ZNF678: variants seen among roughly 807,000 people sequenced by gnomAD.
ZNF678 encodes hypothetical protein MGC42493.
Under a neutral mutation model 3.0 loss-of-function variants are expected in ZNF678, and 5 were observed. The observed-to-expected ratio is 1.69, with a 90% CI of 0.88 to 3.56. The LOEUF (loss-of-function observed/expected upper bound fraction) is 3.56. Among genes scored for constraint, ZNF678 ranks in the 30% most tolerant of loss-of-function variants. The pLI is 0.00. For synonymous variants in ZNF678, 218 were observed against 199.6 expected, an observed-to-expected ratio of 1.09 and a Z score of -0.78; for missense variants, 593 against 605.0, an observed-to-expected ratio of 0.98 and a Z score of 0.21.
At chr1:227,671,795 A>G (rs752939729) in intron 5 of ZNF678, among the ~76,000 whole-genome samples, 1 of 152,168 alleles carries the variant, frequency 6.6e-6, no homozygotes, top group African/African-American at 2.4e-5. Context: ...GGCTCTCCCT[A>G]TGCCTCCATA....
chr1:227,611,594 G>A (rs1471926097), intron 1 of ZNF678, among the ~76,000 whole-genome samples: 1 of 152,144 alleles, frequency 6.6e-6, no homozygotes, highest in Non-Finnish European at 1.5e-5. Flanking sequence ...CTGCCCAGTG[G>A]TTAGTCCAGG....
downstream of ZNF678, among the ~76,000 whole-genome samples, chr1:227,664,175 TA>T (rs1009607223): frequency 6.6e-6 from 1 of 151,862 alleles, no homozygotes; most frequent in Non-Finnish European, 1.5e-5. Context: ...AGACCCTATT[TA>T]AAAAAAATAA....
At chr1:227,595,028 C>G (rs556087832) in intron 1 of ZNF678, among the ~76,000 whole-genome samples, 1 of 152,124 alleles carries the variant, frequency 6.6e-6, no homozygotes, top group Non-Finnish European at 1.5e-5. Context: ...TCAGTGCTTT[C>G]GGGATACGCC....
At chr1:227,588,232 T>A (rs772626091) in intron 1 of ZNF678, among the ~76,000 whole-genome samples, 2 of 152,212 alleles carry the variant, frequency 1.3e-5, no homozygotes, top group Non-Finnish European at 2.9e-5. Flanking sequence ...CAGTCTATCA[T>A]TGATGGGCAT....
At position 227,660,266 on chromosome 1, in the gene ZNF678, T is replaced by TG. The variant is rs1029645026; in HGVS notation, c.*4438_*4439insG. On this transcript the variant is annotated 3_prime_UTR_variant, in exon 4 of 4. Transcript: ENST00000343776. The stretch of plus-strand genomic sequence containing the variant: ...TACTATATGAATTTTTGTGTTTTTT[T>TG]TGTGAAAAATTTTATTGATATTTTG... 3.2e-4 allele frequency: 48 copies of TG among 151,894 alleles called. 2 individuals are homozygous for TG. Among genetic ancestry groups the TG allele is most frequent in the African/African-American group, 1.2e-3 (48 of 41,432 alleles). The allele number at this position is 151,894 out of a possible 1,614,324, so 9.4% of individuals were successfully genotyped here.
At chr1:227,633,042 G>C (rs1658589113) in intron 1 of ZNF678, among the ~76,000 whole-genome samples, 1 of 152,134 alleles carries the variant, frequency 6.6e-6, no homozygotes, top group African/African-American at 2.4e-5. Context: ...TAGCCATGCA[G>C]GAACAATGAC....
rs139050997 is a variant in ZNF678 at position 227,606,263 on chromosome 1, T to A, written c.-163-40281T>A. On this transcript the variant is annotated intron_variant, in intron 1 of 3. Transcript: ENST00000343776. ...CAGGAGAACGGGGTGAATAGGGTGA[T>A]GGTGGGGAGAAGGTCAGCAGGAAAA... is the stretch of plus-strand genomic sequence containing the variant. Among the ~76,000 whole-genome samples, 1,154 of 152,176 alleles carry A rather than the reference T, an allele frequency of 7.6e-3. 4 individuals are homozygous for A. The highest frequency in any genetic ancestry group is 0.024 in the Middle Eastern group (7 of 294).
At chr1:227,609,383 T>C (rs185639679) in intron 1 of ZNF678, among the ~76,000 whole-genome samples, 159 of 152,334 alleles carry the variant, frequency 1.0e-3, no homozygotes, top group Middle Eastern at 6.8e-3. Flanking sequence ...AACTGTAAGA[T>C]TTAGCTGCCA....
chr1:227,628,070 T>A (rs1456732776), intron 1 of ZNF678, among the ~76,000 whole-genome samples: 1 of 152,204 alleles, frequency 6.6e-6, no homozygotes, highest in Non-Finnish European at 1.5e-5. Flanking sequence ...AGCCACAGTC[T>A]CCTTTAGCAG....
At chr1:227,600,758 C>A (rs1657718065) in intron 1 of ZNF678, among the ~76,000 whole-genome samples, 1 of 152,126 alleles carries the variant, frequency 6.6e-6, no homozygotes, top group South Asian at 2.1e-4. Flanking sequence ...TCAGTAGTAT[C>A]TTTTGCTGTA....
At position 227,596,179 on chromosome 1, in the gene ZNF678, A is replaced by C. The variant is rs1180311911; in HGVS notation, c.-164+32455A>C. 2.0e-5 allele frequency among the ~76,000 whole-genome samples: 3 copies of C among 152,174 alleles called. No individual in the cohort carries two copies. The East Asian group carries it at 5.8e-4, about 29-fold the overall frequency. Reference sequence around the variant, plus strand: ...GCTTGGGCTGGTTGGAGTCCCCCGCAGGGATGTTCCACAGGGCAGGCTTAA... The same window carrying C: ...GCTTGGGCTGGTTGGAGTCCCCCGCCGGGATGTTCCACAGGGCAGGCTTAA... On this transcript the variant is annotated intron_variant, in intron 1 of 3. Coordinates refer to ENST00000343776, the MANE Select transcript of ZNF678 (RefSeq NM_001367909.1).
intron 1 of ZNF678, among the ~76,000 whole-genome samples, chr1:227,589,860 T>G (rs1226269523): frequency 6.6e-5 from 10 of 151,804 alleles, no homozygotes; most frequent in Non-Finnish European, 5.9e-5. Flanking sequence ...TACTTCTTCT[T>G]TCTTTGGAAG....
downstream of ZNF678, among the ~76,000 whole-genome samples, chr1:227,678,741 C>A (rs991805291): frequency 2.6e-5 from 4 of 152,210 alleles, no homozygotes; most frequent in African/African-American, 9.7e-5. Flanking sequence ...TTGACAAATT[C>A]TTTTAATCCC....
At chr1:227,621,922 C>T (rs1465950088) in intron 1 of ZNF678, among the ~76,000 whole-genome samples, 1 of 152,198 alleles carries the variant, frequency 6.6e-6, no homozygotes, top group Non-Finnish European at 1.5e-5. Flanking sequence ...GTAGCAATAG[C>T]ACGTCCAATT....
intron 1 of ZNF678, among the ~76,000 whole-genome samples, chr1:227,616,030 T>C (rs1186646703): frequency 6.6e-6 from 1 of 152,176 alleles, no homozygotes; most frequent in Non-Finnish European, 1.5e-5. Context: ...ATTCCTGTCT[T>C]ACCATCACAA....
At chr1:227,616,275 G>A (rs1256309441) in intron 1 of ZNF678, among the ~76,000 whole-genome samples, 2 of 152,166 alleles carry the variant, frequency 1.3e-5, no homozygotes, top group Non-Finnish European at 2.9e-5. Context: ...ACAATACACT[G>A]TAAGAAAAAT....
chr1:227,578,499 G>A (rs955144925), intron 1 of ZNF678, among the ~76,000 whole-genome samples: 1 of 152,046 alleles, frequency 6.6e-6, no homozygotes, highest in Admixed American at 6.6e-5. Flanking sequence ...CAGTCTTCAA[G>A]CACTGAGATT....
In ZNF678 at chr1:227,646,617, G is replaced by A. The variant is rs1045765557; in HGVS notation, c.-90G>A. 5 of 1,372,360 alleles carry A rather than the reference G, an allele frequency of 3.6e-6. No homozygotes were observed. The highest frequency in any genetic ancestry group is 4.9e-6 in the Non-Finnish European group (5 of 1,024,778). The allele number at this position is 1,372,360 out of a possible 1,614,324, so 85.0% of individuals were successfully genotyped here. Reference sequence around the variant, plus strand: ...TGGGCATGCCTGGACCCTGCCCAGCGAAATTTGTATAGGGATGTGATGTTC... The same window carrying A: ...TGGGCATGCCTGGACCCTGCCCAGCAAAATTTGTATAGGGATGTGATGTTC... On this transcript the variant is annotated 5_prime_UTR_variant, in exon 2 of 4. Transcript: ENST00000343776.
At chr1:227,646,509 T>C (rs764585895) in intron 1 of ZNF678, 35 bp from the exon 2 acceptor site, 2 of 1,349,762 alleles carry the variant, frequency 1.5e-6, no homozygotes, top group South Asian at 2.3e-5. Context: ...CCATGGCACA[T>C]TTTGTAAATA....
Sources: allele counts gnomAD v4.1 joint callset (sites outside exome capture counted in the v4.1 genomes callset), GRCh38; gene constraint gnomAD v4.1.1; transcripts MANE v1.5; gene names NCBI Gene and HGNC (gene_info 2026-07-23, HGNC 2026-07-21).